Variants in PLEKHD1 observed in about 807,000 individuals in gnomAD.
PLEKHD1 encodes pleckstrin homology domain-containing family D member 1.
PLEKHD1 carries 51 observed loss-of-function variants against 69.2 expected under a neutral mutation model. The ratio of observed to expected loss-of-function variants is 0.74; its 90% CI spans 0.59 to 0.93. PLEKHD1 has a LOEUF of 0.93. Among genes scored for constraint, PLEKHD1 ranks in the 40% least tolerant of loss-of-function variants. PLEKHD1 has a pLI of 0.00. For synonymous variants in PLEKHD1, 236 were observed against 244.7 expected (o/e 0.96, Z 0.33); for missense variants, 584 against 641.0 (o/e 0.91, Z 0.96).
the PLEKHD1 span, among the ~76,000 whole-genome samples, chr14:69,478,828 C>T: frequency 6.6e-6 from 1 of 152,292 alleles, no homozygotes; most frequent in African/African-American, 2.4e-5. Flanking sequence ...TCTTCTGAGC[C>T]CTCCAAACCG....
rs142942814 is a variant in PLEKHD1 at position 69,528,203 on chromosome 14, G to A, written c.1352-47G>A. On this transcript the variant is annotated intron_variant, in intron 12 of 12. Coordinates refer to ENST00000322564, the MANE Select transcript of PLEKHD1 (RefSeq NM_001161498.2). ...AGGCTGGGGACAGGGCCAGGCCTTC[G>A]TGGAGGGAGCACTGTTCACAGGGCT... The A allele has an allele frequency of 7.8e-4, 1,204 of 1,547,062 alleles. 12 individuals are homozygous for A. The African/African-American group carries it at 0.014, about 18-fold the overall frequency.
chr14:69,469,134 C>T, the PLEKHD1 span, among the ~76,000 whole-genome samples: 1 of 152,126 alleles, frequency 6.6e-6, no homozygotes, highest in African/African-American at 2.4e-5. Context: ...CCAGCTCGGT[C>T]CTCTTCCTTC....
chr14:69,527,755 C>T (rs950751948), intron 11 of PLEKHD1, 28 bp from the exon 12 acceptor site: 166 of 1,550,602 alleles, frequency 1.1e-4, no homozygotes, highest in Non-Finnish European at 1.2e-4. Context: ...CAGTCGGAAC[C>T]CCACCCTTCC....
chr14:69,500,155 GA>G lies in PLEKHD1; in HGVS notation c.191del (p.Glu64GlyfsTer40). 1 of 1,550,862 alleles carries G rather than the reference GA, an allele frequency of 6.4e-7. No individual in the cohort carries two copies. Among genetic ancestry groups the G allele is most frequent in the Non-Finnish European group, 8.7e-7 (1 of 1,146,370 alleles). Reference protein sequence around the residue: ...IKESFLLYYSESEKKSFETNK... With the variant: ...IKESFLLYYSXSEKKSFETNK... ...AGAGAGCTTTCTGCTTTACTACTCT[GA>G]GAGCGAAAAAAAGAGCTTTGAAACC... On this transcript the variant is annotated frameshift_variant, in exon 2 of 13. Coordinates refer to ENST00000322564, the MANE Select transcript of PLEKHD1 (RefSeq NM_001161498.2). LOFTEE classifies it high-confidence loss of function.
At chr14:69,475,866 C>T in the PLEKHD1 span, among the ~76,000 whole-genome samples, 1 of 152,154 alleles carries the variant, frequency 6.6e-6, no homozygotes, top group South Asian at 2.1e-4. Flanking sequence ...GAAACCCAGT[C>T]CTGCGCAGGT....
rs1566934573 is a variant in PLEKHD1, at chr14:69,484,756, G to C, written c.-210G>C. ...GTTCCCGCCCGGCCCTCTGCAATCC[G>C]GAGCCCAAGCCGCCGGCTACGCGCC... On this transcript the variant is annotated 5_prime_UTR_variant, in exon 1 of 13. Transcript: ENST00000322564. The C allele has an allele frequency of 1.8e-6, 1 of 557,448 alleles. No homozygotes were observed. Among genetic ancestry groups the C allele is most frequent in the Admixed American group, 3.3e-5 (1 of 29,856 alleles). 34.5% of individuals were successfully genotyped at this position (557,448 alleles called of 1,614,324 possible).
At chr14:69,501,184 C>T in intron 4 of PLEKHD1, 1 of 574,312 alleles carries the variant, frequency 1.7e-6, no homozygotes, top group Non-Finnish European at 3.1e-6. Context: ...CATTTGTCTC[C>T]AACTCTTGGG....
chr14:69,515,249 C>T (rs778796278), intron 6 of PLEKHD1, among the ~76,000 whole-genome samples: 1 of 152,144 alleles, frequency 6.6e-6, no homozygotes, highest in Non-Finnish European at 1.5e-5. Context: ...GTTGCATTTC[C>T]AAATGGCTGC....
chr14:69,524,772 T>C (rs1172360377), intron 8 of PLEKHD1, among the ~76,000 whole-genome samples: 1 of 151,670 alleles, frequency 6.6e-6, no homozygotes, highest in Non-Finnish European at 1.5e-5. Flanking sequence ...GGTGGGGAGG[T>C]GACAAGCCTC....
At chr14:69,502,514 T>G in intron 5 of PLEKHD1, 1 of 390,026 alleles carries the variant, frequency 2.6e-6, no homozygotes, top group South Asian at 2.6e-5. Context: ...AGCCAGACAT[T>G]AGTGCAGGTG....
At chr14:69,469,716 T>A in the PLEKHD1 span, among the ~76,000 whole-genome samples, 1 of 151,928 alleles carries the variant, frequency 6.6e-6, no homozygotes, top group Non-Finnish European at 1.5e-5. Flanking sequence ...CAGACTTAAG[T>A]TGTCTCTTTT....
chr14:69,487,445 C>T (rs1316605495), intron 1 of PLEKHD1, among the ~76,000 whole-genome samples: 2 of 152,270 alleles, frequency 1.3e-5, no homozygotes, highest in South Asian at 2.1e-4. Flanking sequence ...GCCATTAGGG[C>T]GATCAATGCC....
In PLEKHD1 at chr14:69,500,215, C is replaced by T. The variant is rs374046602; in HGVS notation, c.243+7C>T. 337 of 1,538,854 alleles carry T rather than the reference C, an allele frequency of 2.2e-4. No homozygotes were observed. The African/African-American group carries it at 3.2e-3, about 15-fold the overall frequency. The stretch of plus-strand genomic sequence containing the variant: ...CTTCAATATACATCCTAAGGTGAGG[C>T]GGCCCCTCCCAGGGCCACAGCAGGG... On this transcript the variant is annotated splice_region_variant and intron_variant, in intron 2 of 12. Transcript: ENST00000322564.
At chr14:69,481,210 C>G (rs1882535698), upstream of PLEKHD1, among the ~76,000 whole-genome samples, 1 of 152,180 alleles carries the variant, frequency 6.6e-6, no homozygotes, top group South Asian at 2.1e-4. Context: ...GTAGTCCCAG[C>G]TACTCAGGAG....
intron 5 of PLEKHD1, 132 bp downstream of exon 5, chr14:69,501,957 G>T (rs1883039296): frequency 1.4e-6 from 1 of 734,606 alleles, no homozygotes; most frequent in Non-Finnish European, 2.2e-6. Context: ...AGACCAGTTT[G>T]GCACCTGGAG....
upstream of PLEKHD1, among the ~76,000 whole-genome samples, chr14:69,482,229 C>T (rs1882554303): frequency 6.6e-6 from 1 of 152,182 alleles, no homozygotes; most frequent in Non-Finnish European, 1.5e-5. Context: ...AAGGAATCAG[C>T]CTTCCCCAGG....
At chr14:69,508,576 G>C (rs111303215) in intron 6 of PLEKHD1, among the ~76,000 whole-genome samples, 6,818 of 152,144 alleles carry the variant, frequency 0.045, 291 homozygotes, top group African/African-American at 0.11. Flanking sequence ...CACCATGCAC[G>C]GCTAATTTTT....
At chr14:69,527,089 CGCCCATTGA>C in intron 10 of PLEKHD1, 90 bp from the exon 11 acceptor site, 1 of 1,383,678 alleles carries the variant, frequency 7.2e-7, no homozygotes, top group Non-Finnish European at 9.6e-7. Context: ...CTCCCATCCA[CGCCCATTGA>C]GCCAGGGGTG....
intron 1 of PLEKHD1, 85 bp downstream of exon 1, chr14:69,485,199 G>T: frequency 7.0e-7 from 1 of 1,424,904 alleles, no homozygotes; most frequent in Non-Finnish European, 9.4e-7. Flanking sequence ...AGTCGCCGTC[G>T]TGCCTCTGCT....
Sources: gnomAD v4.1 joint callset for allele counts (sites outside exome capture counted in the v4.1 genomes callset) on GRCh38, gnomAD v4.1.1 for gene constraint, MANE v1.5 for transcripts, NCBI Gene and HGNC (gene_info 2026-07-23, HGNC 2026-07-21) for gene names.